SLC18A1: variants seen among roughly 807,000 people sequenced by gnomAD.
The protein encoded by SLC18A1 is chromaffin granule amine transporter.
A neutral mutation model predicts 53.7 loss-of-function variants in SLC18A1; 69 were observed. The observed-to-expected ratio is 1.28, with a 90% CI of 1.06 to 1.57. SLC18A1 has a LOEUF of 1.57. Ranked by LOEUF, SLC18A1 falls within the 40% of genes most tolerant of loss-of-function variation. The probability of loss-of-function intolerance (pLI) is 0.00; values close to 1 mark genes in which losing one functional copy is unlikely to be tolerated. For missense variants in SLC18A1, 932 were observed against 668.1 expected (o/e 1.40, Z -4.35); for synonymous variants, 320 against 248.1 (o/e 1.29, Z -2.72).
intron 5 of SLC18A1, among the ~76,000 whole-genome samples, chr8:20,173,418 A>G (rs1284273398): frequency 6.6e-6 from 1 of 152,144 alleles, no homozygotes; most frequent in Non-Finnish European, 1.5e-5. Flanking sequence ...ACATTTTATC[A>G]TTTCCTAGCA....
chr8:20,170,695 G>A (rs904159084), intron 8 of SLC18A1, among the ~76,000 whole-genome samples: 3 of 152,024 alleles, frequency 2.0e-5, no homozygotes, highest in African/African-American at 7.3e-5. Flanking sequence ...CTGAGATGAT[G>A]TTACAGCTCC....
At chr8:20,162,976 C>T (rs1249767162) in intron 10 of SLC18A1, among the ~76,000 whole-genome samples, 1 of 152,202 alleles carries the variant, frequency 6.6e-6, no homozygotes, top group Non-Finnish European at 1.5e-5. Context: ...TTTCTCATTA[C>T]CCATTTTCTG....
chr8:20,157,516 C>T (rs2071713089), intron 10 of SLC18A1, among the ~76,000 whole-genome samples: 1 of 152,110 alleles, frequency 6.6e-6, no homozygotes, highest in Non-Finnish European at 1.5e-5. Context: ...AGGAAGAAGG[C>T]TATGAATTAC....
chr8:20,181,112 G>T (rs1463172066), intron 1 of SLC18A1, 25 bp from the exon 2 acceptor site: 2 of 776,342 alleles, frequency 2.6e-6, no homozygotes, highest in Non-Finnish European at 3.9e-6. Context: ...AGTGCAAAGG[G>T]TTGCAAGTAG....
chr8:20,147,966 A>G, intron 13 of SLC18A1, 41 bp downstream of exon 13: 1 of 1,603,680 alleles, frequency 6.2e-7, no homozygotes, highest in Non-Finnish European at 8.5e-7. Flanking sequence ...CCCAAAGCCA[A>G]CATGCAGGGG....
chr8:20,156,425 G>A (rs1022752673), intron 10 of SLC18A1, among the ~76,000 whole-genome samples: 2 of 152,052 alleles, frequency 1.3e-5, no homozygotes. Context: ...GGTCTGACCA[G>A]ACTCAGGAGG....
intron 11 of SLC18A1, among the ~76,000 whole-genome samples, chr8:20,150,387 A>G (rs1019939949): frequency 6.6e-6 from 1 of 152,128 alleles, no homozygotes; most frequent in African/African-American, 2.4e-5. Flanking sequence ...TGGTTATTTT[A>G]TCTCCTCAAC....
In SLC18A1 at chr8:20,149,688, G is replaced by A; in HGVS notation, c.1134C>T (p.Thr378=). 2 of 1,612,356 alleles carry A rather than the reference G, an allele frequency of 1.2e-6. No homozygotes were observed. The highest frequency in any genetic ancestry group is 2.2e-5 in the South Asian group (2 of 90,968). ...CSLIGMLVVG[T]SLLCVPLAHN... ...TTCTTATACTTACACAGAGCAAGCTGGTACCTACTACCAGCATCCCGATTA... is the reference window on the plus strand; with the variant it reads ...TTCTTATACTTACACAGAGCAAGCTAGTACCTACTACCAGCATCCCGATTA... The change falls in exon 12 of 16, where the codon ACC becomes ACT. Residue 378 remains threonine (T), a synonymous_variant. Transcript: ENST00000276373.
intron 8 of SLC18A1, among the ~76,000 whole-genome samples, chr8:20,165,884 T>C (rs1226216527): frequency 6.6e-6 from 1 of 152,196 alleles, no homozygotes; most frequent in Admixed American, 6.5e-5. Context: ...CTGAACACTA[T>C]GTCCTAATCC....
chr8:20,178,550 G>A, intron 3 of SLC18A1, 57 bp from the exon 4 acceptor site: 4 of 1,297,398 alleles, frequency 3.1e-6, no homozygotes, highest in Non-Finnish European at 4.4e-6. Flanking sequence ...CACATACATG[G>A]ACTACATTTT....
At chr8:20,148,978 A>C (rs1388406544) in intron 12 of SLC18A1, among the ~76,000 whole-genome samples, 1 of 152,102 alleles carries the variant, frequency 6.6e-6, no homozygotes, top group Admixed American at 6.5e-5. Flanking sequence ...GCTCAAAGTC[A>C]CATGCATAGA....
chr8:20,172,775 C>T (rs990727325), intron 6 of SLC18A1, among the ~76,000 whole-genome samples: 2 of 152,154 alleles, frequency 1.3e-5, no homozygotes, highest in Admixed American at 6.5e-5. Flanking sequence ...GCATGGGAAC[C>T]GAGGCGAAGC....
At chr8:20,164,806 A>G (rs920824365) in intron 10 of SLC18A1, 63 bp downstream of exon 10, 1 of 1,282,296 alleles carries the variant, frequency 7.8e-7, no homozygotes, top group East Asian at 2.3e-5. Flanking sequence ...ACATTGAACG[A>G]AAGGACTCAT....
intron 10 of SLC18A1, among the ~76,000 whole-genome samples, chr8:20,156,031 C>T (rs1342767355): frequency 1.3e-5 from 2 of 152,354 alleles, no homozygotes; most frequent in East Asian, 3.9e-4. Context: ...AGCCTCAGCT[C>T]CTTGGCGAGG....
chr8:20,165,223 T>C (rs958577213), intron 8 of SLC18A1, 116 bp from the exon 9 acceptor site: 9 of 895,768 alleles, frequency 1.0e-5, no homozygotes, highest in Non-Finnish European at 1.6e-5. Flanking sequence ...GTATCTCCTT[T>C]ACTGCAGAGA....
intron 10 of SLC18A1, among the ~76,000 whole-genome samples, chr8:20,158,445 G>C (rs1380855606): frequency 2.0e-5 from 3 of 152,170 alleles, no homozygotes; most frequent in Non-Finnish European, 4.4e-5. Flanking sequence ...TGCCCTGCTT[G>C]AGGAGGGAAT....
chr8:20,168,400 A>C (rs2072026790), intron 8 of SLC18A1, among the ~76,000 whole-genome samples: 1 of 151,370 alleles, frequency 6.6e-6, no homozygotes, highest in African/African-American at 2.4e-5. Flanking sequence ...TAGAGTGATG[A>C]ACTACAAAAA....
chr8:20,178,566 G>A (rs747598079), intron 3 of SLC18A1, 73 bp from the exon 4 acceptor site: 50 of 1,135,146 alleles, frequency 4.4e-5, no homozygotes, highest in Non-Finnish European at 6.4e-5. Flanking sequence ...ATTTTTAAAT[G>A]TAAGTGGGAG....
chr8:20,174,276 A>G (rs1205726339), intron 5 of SLC18A1, 85 bp downstream of exon 5: 2 of 1,000,736 alleles, frequency 2.0e-6, no homozygotes, highest in Non-Finnish European at 3.2e-6. Flanking sequence ...TAATTTCTCC[A>G]TGTAAATATA....
Sources: allele counts gnomAD v4.1 joint callset (sites outside exome capture counted in the v4.1 genomes callset), GRCh38; gene constraint gnomAD v4.1.1; transcripts MANE v1.5; gene names NCBI Gene and HGNC (gene_info 2026-07-23, HGNC 2026-07-21).